The following PRSS23 variants were observed in gnomAD, a reference collection of about 807,000 sequenced individuals.
The protein encoded by PRSS23 is serine protease 23.
In PRSS23, 25 loss-of-function variants were observed where a neutral mutation model predicts 34.7. The ratio of observed to expected loss-of-function variants is 0.72; its 90% confidence interval spans 0.53 to 1.01. The LOEUF (loss-of-function observed/expected upper bound fraction) is 1.01. PRSS23 is among the 50% of genes least tolerant of loss of function. The probability of loss-of-function intolerance (pLI) is 0.00; values close to 1 mark genes in which losing one functional copy is unlikely to be tolerated. For missense variants in PRSS23, 445 were observed against 475.6 expected, an observed-to-expected ratio of 0.94 and a Z score of 0.60; for synonymous variants, 176 against 186.6, an observed-to-expected ratio of 0.94 and a Z score of 0.46.
chr11:86,939,433 A>AAAATATATATATATATATATATATAT (rs1565392858), intron 2 of PRSS23, among the ~76,000 whole-genome samples: 3 of 48,124 alleles, frequency 6.2e-5, no homozygotes, highest in Non-Finnish European at 1.8e-4. Context: ...TATATTTTTT[A>AAAATATATATATATATATATATATAT]ACATGAGTAA....
intron 2 of PRSS23, chr11:86,934,079 T>C (rs1949144491): frequency 6.6e-6 from 1 of 152,244 alleles, no homozygotes; most frequent in South Asian, 2.1e-4. Flanking sequence ...CAAATTACTT[T>C]CATATGTCCT....
intron 2 of PRSS23, chr11:86,936,212 C>T (rs980616561): frequency 2.0e-5 from 3 of 152,292 alleles, no homozygotes; most frequent in Non-Finnish European, 2.9e-5. Flanking sequence ...GTGGCTTTTT[C>T]AGAGTAGCCC....
intron 2 of PRSS23, among the ~76,000 whole-genome samples, chr11:86,869,904 A>T (rs924927469): frequency 6.6e-6 from 1 of 152,322 alleles, no homozygotes; most frequent in South Asian, 2.1e-4. Context: ...TCGTCAGTAA[A>T]TATTGAATAC....
chr11:86,900,658 G>A (rs139107417), intron 2 of PRSS23, among the ~76,000 whole-genome samples: 2 of 151,684 alleles, frequency 1.3e-5, no homozygotes, highest in African/African-American at 4.8e-5. Context: ...GTATATAGGC[G>A]GCATCCTCTT....
chr11:86,837,583 A>T (rs1948416599), intron 2 of PRSS23: 1 of 152,224 alleles, frequency 6.6e-6, no homozygotes, highest in South Asian at 2.1e-4. Context: ...CCTGGGCAAC[A>T]TGGTGAAACC....
chr11:86,878,500 A>C (rs1948742086), intron 2 of PRSS23, among the ~76,000 whole-genome samples: 1 of 152,064 alleles, frequency 6.6e-6, no homozygotes, highest in Admixed American at 6.5e-5. Context: ...CCTAACCGCG[A>C]GTGATCCGCC....
At chr11:86,934,927 G>A (rs1162740830) in intron 2 of PRSS23, 1 of 152,256 alleles carries the variant, frequency 6.6e-6, no homozygotes, top group African/African-American at 2.4e-5. Context: ...ACAGCCACAA[G>A]TATATTCTAG....
chr11:86,821,231 A>G, intron 1 of PRSS23: 4 of 549,162 alleles, frequency 7.3e-6, no homozygotes, highest in Non-Finnish European at 1.2e-5. Context: ...ATTATATTTC[A>G]TCTAATTCAT....
chr11:86,830,997 G>A (rs189278178), intron 2 of PRSS23, among the ~76,000 whole-genome samples: 93 of 152,112 alleles, frequency 6.1e-4, no homozygotes, highest in African/African-American at 1.5e-3. Flanking sequence ...TGTCACAGGC[G>A]TGTACACCCA....
At chr11:86,796,457 C>A (rs1055414462), upstream of PRSS23, among the ~76,000 whole-genome samples, 1 of 151,458 alleles carries the variant, frequency 6.6e-6, no homozygotes, top group Non-Finnish European at 1.5e-5. Flanking sequence ...CTGGCTAACA[C>A]GGTGAAACCC....
intron 2 of PRSS23, among the ~76,000 whole-genome samples, chr11:86,863,425 T>C (rs1453232649): frequency 6.6e-6 from 1 of 152,148 alleles, no homozygotes. Flanking sequence ...ATACAGGAAA[T>C]GCCCCAGGTG....
Position 86,823,039 on chromosome 11 carries a change from A to C in PRSS23, c.-11-338A>C, listed in dbSNP as rs1948264803. Among the ~76,000 whole-genome samples, 4 of 152,192 alleles carry C rather than the reference A, an allele frequency of 2.6e-5. No homozygotes were observed. The South Asian group carries it at 8.3e-4, about 31-fold the overall frequency. ...CTGTCACTTTCTGCCTCCAGGGATC[A>C]AGTACCATGGGTCTCGACCTGACCA... is the stretch of plus-strand genomic sequence containing the variant. On this transcript the variant is annotated intron_variant, in intron 1 of 2. Transcript: ENST00000533902.
chr11:86,834,343 A>T (rs1397274511), intron 2 of PRSS23, among the ~76,000 whole-genome samples: 1 of 152,098 alleles, frequency 6.6e-6, no homozygotes, highest in African/African-American at 2.4e-5. Flanking sequence ...GGAGGAAACT[A>T]TGTCCTCCTG....
At chr11:86,950,445 T>C (rs895229078) in intron 2 of PRSS23, 9 of 152,834 alleles carry the variant, frequency 5.9e-5, no homozygotes, top group Non-Finnish European at 1.0e-4. Context: ...AAGAGAGATG[T>C]TGAAATTTAA....
intron 2 of PRSS23, among the ~76,000 whole-genome samples, chr11:86,917,180 G>T (rs117358490): frequency 0.05 from 7,554 of 152,260 alleles, 249 homozygotes; most frequent in Middle Eastern, 0.11. Context: ...TGACCCAGGC[G>T]TGGTGGCACA....
At chr11:86,862,170 G>A (rs1480436724) in intron 2 of PRSS23, among the ~76,000 whole-genome samples, 1 of 151,902 alleles carries the variant, frequency 6.6e-6, no homozygotes, top group African/African-American at 2.4e-5. Context: ...ATATCTCAGT[G>A]CGTATACTCA....
At chr11:86,862,371 G>A (rs1381309502) in intron 2 of PRSS23, among the ~76,000 whole-genome samples, 2 of 151,854 alleles carry the variant, frequency 1.3e-5, no homozygotes, top group Non-Finnish European at 2.9e-5. Flanking sequence ...TGTTCACCCT[G>A]GGATATTATT....
At chr11:86,894,048 C>T (rs1316284718) in intron 2 of PRSS23, among the ~76,000 whole-genome samples, 1 of 152,190 alleles carries the variant, frequency 6.6e-6, no homozygotes, top group Non-Finnish European at 1.5e-5. Context: ...GAATCTCACT[C>T]TGTCGCCCAG....
intron 2 of PRSS23, among the ~76,000 whole-genome samples, chr11:86,939,426 A>ATATATATATATTTTTTTTTTT: frequency 7.4e-5 from 7 of 94,070 alleles, no homozygotes; most frequent in Admixed American, 4.0e-4. Context: ...ATATATATAT[A>ATATATATATATTTTTTTTTTT]TTTTTTAACA....
Sources: gnomAD v4.1 joint callset for allele counts (sites outside exome capture counted in the v4.1 genomes callset) on GRCh38, gnomAD v4.1.1 for gene constraint, MANE v1.5 for transcripts, NCBI Gene and HGNC (gene_info 2026-07-23, HGNC 2026-07-21) for gene names.